The following CLPTM1L variants were observed in gnomAD, a reference collection of about 807,000 sequenced individuals.
The protein encoded by CLPTM1L is lipid scramblase CLPTM1L.
A neutral mutation model predicts 70.9 loss-of-function variants in CLPTM1L; 38 were observed. That is an observed-to-expected ratio of 0.54 (90% CI 0.41 to 0.70). CLPTM1L has a LOEUF of 0.70. Ranked by LOEUF, CLPTM1L falls within the 30% of genes least tolerant of loss-of-function variation. The pLI is 0.00. For synonymous variants in CLPTM1L, 339 were observed against 299.9 expected, an observed-to-expected ratio of 1.13 and a Z score of -1.35; for missense variants, 652 against 705.9, an observed-to-expected ratio of 0.92 and a Z score of 0.87.
At position 1,335,063 on chromosome 5, in the gene CLPTM1L, G is replaced by C; in HGVS notation, c.790C>G (p.Gln264Glu). 1 of 1,612,666 alleles carries C rather than the reference G, an allele frequency of 6.2e-7. No homozygotes were observed. The highest frequency in any genetic ancestry group is 8.5e-7 in the Non-Finnish European group (1 of 1,179,418). The change falls in exon 6 of 17, where the codon CAG becomes GAG. Residue 264 changes from glutamine to glutamate, a missense_variant. Gln to Glu is a conservative substitution (Grantham distance 29, BLOSUM62 2). Around this residue, in one of 3 missense-constraint regions of CLPTM1L, gnomAD observed 402 missense variants for 388.2 expected, o/e 1.04. Coordinates refer to ENST00000320895, the MANE Select transcript of CLPTM1L (RefSeq NM_030782.5). ...HMQDAVYSLQQFGFSEKDADE... is the reference protein window; with the variant it reads ...HMQDAVYSLQEFGFSEKDADE... ...GGCCGTGTGCGGCACATACCGAACT[G>C]CTGCAGGGAGTACACGGCGTCCTGC...
chr5:1,320,574 G>T (rs560283022), intron 16 of CLPTM1L, 42 bp downstream of exon 16: 2 of 1,151,808 alleles, frequency 1.7e-6, no homozygotes, highest in South Asian at 3.0e-5. Context: ...CAGCCACGCC[G>T]CTGAGACGGA....
chr5:1,326,460 C>G (rs1490918988), intron 9 of CLPTM1L: 4 of 232,220 alleles, frequency 1.7e-5, no homozygotes, highest in Admixed American at 5.9e-5. Context: ...CATCCAGCTC[C>G]TCCTCCACAG....
At chr5:1,333,766 G>A (rs375885098) in intron 7 of CLPTM1L, among the ~76,000 whole-genome samples, 150 of 115,122 alleles carry the variant, frequency 1.3e-3, no homozygotes, top group African/African-American at 2.7e-3. Context: ...TATACACACC[G>A]GATGAGGATA....
intron 7 of CLPTM1L, among the ~76,000 whole-genome samples, chr5:1,333,664 T>TACTGTAGACACACCGGAA (rs1561244407): frequency 5.2e-5 from 1 of 19,216 alleles, no homozygotes; most frequent in Admixed American, 7.2e-4. Flanking sequence ...ACACACCGGC[T>TACTGTAGACACACCGGAA]GAGGATAAGG....
intron 5 of CLPTM1L, among the ~76,000 whole-genome samples, chr5:1,335,825 A>G (rs1247240030): frequency 6.6e-6 from 1 of 152,196 alleles, no homozygotes; most frequent in Non-Finnish European, 1.5e-5. Context: ...ACGGGTTCAC[A>G]AGCGCGAGCC....
At position 1,337,993 on chromosome 5, in the gene CLPTM1L, A is replaced by T; in HGVS notation, c.600-11T>A. ...TTCCCCAGCTGGATCCTGGGATTAA[A>T]GCACAACTTTCCAAAGTCAGCACCA... On this transcript the variant is annotated splice_polypyrimidine_tract_variant and intron_variant, in intron 4 of 16. Coordinates refer to ENST00000320895, the MANE Select transcript of CLPTM1L (RefSeq NM_030782.5). The T allele has an allele frequency of 6.3e-7, 1 of 1,599,330 alleles. No homozygotes were observed. Among genetic ancestry groups the T allele is most frequent in the Non-Finnish European group, 8.5e-7 (1 of 1,173,860 alleles).
rs770025461 is a variant in CLPTM1L, at chr5:1,318,391, G to A, written c.1595C>T (p.Thr532Met). The stretch of plus-strand genomic sequence containing the variant: ...CCTTCAGTCCGTGTGGGGCGCCCGC[G>A]TGGCCTTCTCCTCGTAGGACTCCCC... ...EFGESYEEKA[T>M]RAPHTD Residue 532 changes from threonine to methionine, a missense_variant, in exon 17 of 17, where the codon ACG (threonine) becomes ATG (methionine). Thr to Met is a moderately conservative substitution (Grantham distance 81). Transcript: ENST00000320895. The surrounding 1 kb of genome is among the most constrained non-coding windows in gnomAD (Gnocchi z 8.9). 1.7e-5 allele frequency: 27 copies of A among 1,613,728 alleles called. No homozygotes were observed. Among genetic ancestry groups the A allele is most frequent in the Middle Eastern group, 1.6e-4 (1 of 6,062 alleles).
chr5:1,326,017 G>C, intron 9 of CLPTM1L: 2 of 569,068 alleles, frequency 3.5e-6, no homozygotes, highest in South Asian at 2.4e-5. Flanking sequence ...AGGCGTACCT[G>C]GTCAGGTGGG....
chr5:1,331,717 G>A lies in CLPTM1L; in HGVS notation c.976+82C>T, dbSNP rs1561241370. ...CGGGGCTGTGTCTGCAGCCAGCAGT[G>A]AGGCAGGCAGCCCTCTACCGCAGGC... On this transcript the variant is annotated intron_variant, in intron 8 of 16. Coordinates refer to ENST00000320895, the MANE Select transcript of CLPTM1L (RefSeq NM_030782.5). 3 of 1,192,310 alleles carry A rather than the reference G, an allele frequency of 2.5e-6. No individual in the cohort carries two copies. In the East Asian group the frequency reaches 7.0e-5, roughly 28 times the overall value. 73.9% of individuals were successfully genotyped at this position (1,192,310 alleles called of 1,614,324 possible).
At chr5:1,330,495 C>T (rs1753016691) in intron 8 of CLPTM1L, 112 bp from the exon 9 acceptor site, 1 of 746,992 alleles carries the variant, frequency 1.3e-6, no homozygotes, top group Non-Finnish European at 2.3e-6. Context: ...GCCCAAGAAG[C>T]TTCAGGTACT....
chr5:1,342,065 G>C lies in CLPTM1L; in HGVS notation c.264-205C>G, dbSNP rs1753986315. ...GCACGCGCACGCGTGCGCGTCCTGA[G>C]AACTCGGCACAGGTGTGGGCGCCTA... is the stretch of plus-strand genomic sequence containing the variant. On this transcript the variant is annotated intron_variant, in intron 2 of 16. Transcript: ENST00000320895. The surrounding 1 kb of genome is among the most constrained non-coding windows in gnomAD (Gnocchi z 4.3). Among the ~76,000 whole-genome samples, 1 of 146,094 alleles carries C rather than the reference G, an allele frequency of 6.8e-6. No homozygotes were observed. Among genetic ancestry groups the C allele is most frequent in the Non-Finnish European group, 1.5e-5 (1 of 67,106 alleles).
rs765249449 is a variant in CLPTM1L at position 1,323,810 on chromosome 5, T to G, written c.1257A>C (p.Ser419=). The G allele has an allele frequency of 6.2e-7, 1 of 1,613,064 alleles. No homozygotes were observed. Among genetic ancestry groups the G allele is most frequent in the South Asian group, 1.1e-5 (1 of 91,020 alleles). The change falls in exon 12 of 17, where the codon TCA becomes TCC. Residue 419 remains serine (S), a synonymous_variant. Transcript: ENST00000320895. The part of the protein sequence containing the change: ...YPLCVGGAVY[S]LLNIKYKSWY... ...ACCTCTTATATTTGATATTCAGGAG[T>G]GAATAGACAGCACCCCCGACACAGA...
intron 11 of CLPTM1L, among the ~76,000 whole-genome samples, chr5:1,324,533 T>TA (rs1197951433): frequency 6.6e-6 from 1 of 152,182 alleles, no homozygotes; most frequent in Non-Finnish European, 1.5e-5. Flanking sequence ...TACTATACGG[T>TA]GACACAGGCA....
chr5:1,319,295 T>C (rs1056129019), intron 16 of CLPTM1L, among the ~76,000 whole-genome samples: 5 of 133,986 alleles, frequency 3.7e-5, no homozygotes, highest in African/African-American at 1.1e-4. Flanking sequence ...TATGGTGAAA[T>C]AGCCCTTCCC....
Position 1,344,490 on chromosome 5 carries a change from C to A in CLPTM1L, c.163-39G>T, listed in dbSNP as rs534603169. The A allele has an allele frequency of 4.1e-5, 65 of 1,573,412 alleles. No homozygotes were observed. The Admixed American group carries it at 1.0e-3, about 25-fold the overall frequency. ...GGCGTCGAGAGTCAGCTCGGCCAGG[C>A]CCTGGCAGGACGCACTCAAATCCCA... On this transcript the variant is annotated intron_variant, in intron 1 of 16. Transcript: ENST00000320895.
rs551900097 is a variant in CLPTM1L at position 1,344,709 on chromosome 5, G to A, written c.133C>T (p.Pro45Ser). 130 of 1,583,632 alleles carry A rather than the reference G, an allele frequency of 8.2e-5. No individual in the cohort carries two copies. Among genetic ancestry groups the A allele is most frequent in the Non-Finnish European group, 1.1e-4 (126 of 1,166,676 alleles). ...AGCTTGGGCCGCCGCGCCAGGTAGG[G>A]CTGGATGCAGTTGGCGTCGCCGGAG... ...PCSGDANCIQ[P>S]YLARRPKLQL... is the part of the protein sequence containing the mutation. Residue 45 changes from proline to serine, a missense_variant, in exon 1 of 17, where the codon CCC becomes TCC. Pro to Ser is a moderately conservative substitution (Grantham distance 74). Around this residue, in one of 3 missense-constraint regions of CLPTM1L, gnomAD observed 402 missense variants for 388.2 expected, o/e 1.04. Transcript: ENST00000320895.
chr5:1,334,521 A>G, intron 6 of CLPTM1L, 138 bp from the exon 7 acceptor site: 1 of 607,930 alleles, frequency 1.6e-6, no homozygotes, highest in Non-Finnish European at 2.9e-6. Context: ...TGGGAATCTC[A>G]GGCAGGCAGA....
chr5:1,340,552 C>T (rs938167358), intron 3 of CLPTM1L, among the ~76,000 whole-genome samples: 6 of 152,182 alleles, frequency 3.9e-5, no homozygotes, highest in African/African-American at 1.2e-4. Context: ...TGCTACATGC[C>T]CATCACCCCA....
chr5:1,321,058 A>G (rs1369522246), intron 15 of CLPTM1L, among the ~76,000 whole-genome samples: 2 of 152,070 alleles, frequency 1.3e-5, no homozygotes, highest in African/African-American at 2.4e-5. Context: ...CTGAGACCAG[A>G]GCCAAGGTTA....
Sources: gnomAD v4.1 joint callset for allele counts (sites outside exome capture counted in the v4.1 genomes callset) on GRCh38, gnomAD v4.1.1 for gene constraint, gnomAD v4.1.1 regional missense constraint, Gnocchi (gnomAD v3.1) non-coding constraint, MANE v1.5 for transcripts, NCBI Gene and HGNC (gene_info 2026-07-23, HGNC 2026-07-21) for gene names.